The following ZNF544 variants were observed in gnomAD, a reference collection of about 807,000 sequenced individuals.
The protein encoded by ZNF544 is zinc finger protein 544.
A neutral mutation model predicts 13.5 loss-of-function variants in ZNF544; 10 were observed. The ratio of observed to expected loss-of-function variants is 0.74; its 90% CI spans 0.46 to 1.25. The LOEUF is 1.25. Ranked by LOEUF, ZNF544 falls within the 50% of genes most tolerant of loss-of-function variation. The probability of loss-of-function intolerance (pLI) is 0.00; values close to 1 mark genes in which losing one functional copy is unlikely to be tolerated. For synonymous variants in ZNF544, 323 were observed against 300.5 expected (o/e 1.07, Z -0.77); for missense variants, 896 against 845.6 (o/e 1.06, Z -0.74).
At chr19:58,276,353 G>A (rs1039521606) in exon 6 of ZNF544, 4 of 1,231,620 alleles carry the variant, frequency 3.2e-6, no homozygotes. Context: ...AGCTTTTTGG[G>A]ACTCCCAATA....
chr19:58,255,261 C>T (rs1005248072), intron 6 of ZNF544, among the ~76,000 whole-genome samples: 1 of 151,814 alleles, frequency 6.6e-6, no homozygotes, highest in East Asian at 1.9e-4. Flanking sequence ...CTGCAACCTC[C>T]GCCTCCCGAG....
chr19:58,244,439 T>C (rs1460339187), intron 4 of ZNF544, among the ~76,000 whole-genome samples: 9 of 151,968 alleles, frequency 5.9e-5, no homozygotes, highest in African/African-American at 1.5e-4. Flanking sequence ...TAAAGCACTG[T>C]AGTTACCTAC....
At chr19:58,277,022 G>T (rs988480310) in intron 6 of ZNF544, among the ~76,000 whole-genome samples, 2 of 152,114 alleles carry the variant, frequency 1.3e-5, no homozygotes, top group African/African-American at 4.8e-5. Flanking sequence ...GTTTGTTTAG[G>T]GATCTACCTG....
At chr19:58,255,343 A>AT (rs1029958141) in intron 6 of ZNF544, among the ~76,000 whole-genome samples, 11 of 151,590 alleles carry the variant, frequency 7.3e-5, no homozygotes, top group East Asian at 1.9e-4. Context: ...TGCCCAGCCA[A>AT]TTTTTTTGTA....
At position 58,276,326 on chromosome 19, in the gene ZNF544, AG is replaced by A. The variant is rs2051219513; in HGVS notation, c.252del (p.Met85CysfsTer11). 1.2e-5 allele frequency: 15 copies of A among 1,231,064 alleles called. No homozygotes were observed. The highest frequency in any genetic ancestry group is 1.5e-5 in the Non-Finnish European group (15 of 987,492). The allele number at this position is 1,231,064 out of a possible 1,614,324, so 76.3% of individuals were successfully genotyped here. On this transcript the variant is annotated frameshift_variant, in exon 6 of 7. Coordinates refer to the ZNF544 transcript ENST00000595981. LOFTEE classifies it high-confidence loss of function. ...CTAGTACCTTCTCTGCCTACAGAGA[AG>A]GGGATGCTGCCTGGGAGCTTTTTGG...
At chr19:58,237,628 C>CT (rs529060783) in intron 3 of ZNF544, among the ~76,000 whole-genome samples, 2 of 152,284 alleles carry the variant, frequency 1.3e-5, no homozygotes, top group Non-Finnish European at 1.5e-5. Flanking sequence ...CTTCTTTTTG[C>CT]TTTTTTTCCC....
intron 3 of ZNF544, among the ~76,000 whole-genome samples, chr19:58,236,549 C>T (rs1433580544): frequency 4.0e-5 from 6 of 151,198 alleles, no homozygotes; most frequent in Non-Finnish European, 5.9e-5. Flanking sequence ...AACAAAAAGC[C>T]ATCATTTTGA....
At position 58,261,911 on chromosome 19, in the gene ZNF544, G is replaced by C. The variant is rs370837170; in HGVS notation, c.1305G>C (p.Pro435=). Residue 435 remains proline, a synonymous_variant, in exon 7 of 7, where the codon CCG becomes CCC. Transcript: ENST00000687789. The part of the protein sequence containing the change: ...THQRIHTGEK[P]YQCIECRKSF... ...AGCGAATTCACACTGGAGAAAAACC[G>C]TATCAGTGTATTGAATGCAGAAAAT... is the stretch of plus-strand genomic sequence containing the variant. 8 of 1,613,220 alleles carry C rather than the reference G, an allele frequency of 5.0e-6. No individual in the cohort carries two copies. The highest frequency in any genetic ancestry group is 5.9e-6 in the Non-Finnish European group (7 of 1,179,852).
chr19:58,240,403 AC>A (rs1465546703), intron 3 of ZNF544, among the ~76,000 whole-genome samples: 1 of 151,676 alleles, frequency 6.6e-6, no homozygotes, highest in Non-Finnish European at 1.5e-5. Flanking sequence ...CACTACAGGC[AC>A]CCACCACCAC....
At chr19:58,230,022 T>C (rs2040872240) in intron 2 of ZNF544, 1 of 152,366 alleles carries the variant, frequency 6.6e-6, no homozygotes, top group Non-Finnish European at 1.5e-5. Context: ...GCATGGGAGT[T>C]GAGGAGCATG....
chr19:58,233,150 C>T (rs954526747), intron 3 of ZNF544, among the ~76,000 whole-genome samples: 2 of 151,960 alleles, frequency 1.3e-5, no homozygotes, highest in Non-Finnish European at 2.9e-5. Flanking sequence ...CGTCAGATCT[C>T]GTGAAACTGT....
intron 6 of ZNF544, among the ~76,000 whole-genome samples, chr19:58,255,611 C>A (rs549329686): frequency 1.8e-5 from 2 of 112,886 alleles, no homozygotes; most frequent in African/African-American, 6.0e-5. Flanking sequence ...CAAAGGTCTT[C>A]AGACAGTCAA....
chr19:58,260,051 T>C (rs563685325), intron 6 of ZNF544, among the ~76,000 whole-genome samples: 5 of 152,292 alleles, frequency 3.3e-5, no homozygotes, highest in African/African-American at 1.2e-4. Flanking sequence ...TGAGCCATGA[T>C]TGTGCTGTTA....
At chr19:58,275,926 G>T (rs2051190011) in intron 5 of ZNF544, among the ~76,000 whole-genome samples, 1 of 152,030 alleles carries the variant, frequency 6.6e-6, no homozygotes, top group Non-Finnish European at 1.5e-5. Flanking sequence ...GCGCATTCCT[G>T]TAATCCCAGC....
At chr19:58,257,068 C>T (rs969140639) in intron 6 of ZNF544, among the ~76,000 whole-genome samples, 1 of 152,096 alleles carries the variant, frequency 6.6e-6, no homozygotes, top group Non-Finnish European at 1.5e-5. Flanking sequence ...ACTACAGGCA[C>T]CCACCACCAC....
intron 3 of ZNF544, among the ~76,000 whole-genome samples, chr19:58,243,086 C>T (rs2044261409): frequency 6.6e-6 from 1 of 152,108 alleles, no homozygotes; most frequent in South Asian, 2.1e-4. Context: ...CTTCAGCCTC[C>T]CAAAGTGTTG....
At chr19:58,229,378 T>C (rs260440) in intron 1 of ZNF544, 90 bp from the exon 2 acceptor site, 80,108 of 150,552 alleles carry the variant, frequency 0.53, 21,840 homozygotes, top group African/African-American at 0.63. Context: ...GGATTCAGGC[T>C]GGCGTCTGGA....
At chr19:58,244,582 A>C (rs1037354967) in intron 4 of ZNF544, among the ~76,000 whole-genome samples, 10 of 151,604 alleles carry the variant, frequency 6.6e-5, no homozygotes, top group East Asian at 1.9e-4. Context: ...TCCTCTTCTT[A>C]TTTTATTTTT....
intron 3 of ZNF544, among the ~76,000 whole-genome samples, chr19:58,243,288 GGT>G (rs1351898671): frequency 6.6e-6 from 1 of 152,042 alleles, no homozygotes; most frequent in Non-Finnish European, 1.5e-5. Context: ...GCCTGCAGAG[GGT>G]GTGCTTCAGT....
Sources: gnomAD v4.1 joint callset for allele counts (sites outside exome capture counted in the v4.1 genomes callset) on GRCh38, gnomAD v4.1.1 for gene constraint, MANE v1.5 for transcripts, NCBI Gene and HGNC (gene_info 2026-07-23, HGNC 2026-07-21) for gene names.